Variants in WASHC4 observed in about 807,000 individuals in gnomAD.
WASHC4 encodes WASH complex subunit 4.
WASHC4 carries 86 observed loss-of-function variants against 166.6 expected under a neutral mutation model. The ratio of observed to expected loss-of-function variants is 0.52; its 90% CI spans 0.43 to 0.62. The LOEUF is 0.62. Among genes scored for constraint, WASHC4 ranks in the 20% least tolerant of loss-of-function variants. The pLI is 0.00. For synonymous variants in WASHC4, 446 were observed against 451.6 expected, an observed-to-expected ratio of 0.99 and a Z score of 0.16; for missense variants, 1,262 against 1,382.4, an observed-to-expected ratio of 0.91 and a Z score of 1.38.
At position 105,126,504 on chromosome 12, in the gene WASHC4, A is replaced by T. The variant is rs983375926; in HGVS notation, c.1038+142A>T. 4.6e-6 allele frequency: 3 copies of T among 657,018 alleles called. No homozygotes were observed. The Admixed American group carries it at 8.5e-5, about 19-fold the overall frequency. 40.7% of individuals were successfully genotyped at this position (657,018 alleles called of 1,614,324 possible). A position where few individuals can be genotyped will look rare whatever the true frequency, so the allele number is the denominator to read the frequency against. On this transcript the variant is annotated intron_variant, in intron 12 of 32. Transcript: ENST00000332180. Reference sequence around the variant, plus strand: ...TGTAAAATTCAAGTATTCCAGAAATAAGTAACTTAGTGAATGAAAATACGT... The same window carrying T: ...TGTAAAATTCAAGTATTCCAGAAATTAGTAACTTAGTGAATGAAAATACGT...
intron 1 of WASHC4, among the ~76,000 whole-genome samples, chr12:105,110,500 C>T (rs756918578): frequency 2.0e-5 from 3 of 152,146 alleles, no homozygotes; most frequent in Admixed American, 1.3e-4. Context: ...CTGTGAAGAA[C>T]AGCATAGTAT....
In WASHC4 at chr12:105,146,438, G is replaced by T. The variant is rs763000441; in HGVS notation, c.2335-14G>T. 2.1e-6 allele frequency: 3 copies of T among 1,432,398 alleles called. No individual in the cohort carries two copies. Among genetic ancestry groups the T allele is most frequent in the Non-Finnish European group, 3.0e-6 (3 of 1,015,186 alleles). The allele number at this position is 1,432,398 out of a possible 1,614,324, so 88.7% of individuals were successfully genotyped here. On this transcript the variant is annotated splice_polypyrimidine_tract_variant and intron_variant, in intron 22 of 32. Coordinates refer to ENST00000332180, the MANE Select transcript of WASHC4 (RefSeq NM_015275.3). ...ATGAATTATAATAAAACTTGTATGTGTATTATGTTGTAGGGCCTTGATGTT... is the reference window on the plus strand; with the variant it reads ...ATGAATTATAATAAAACTTGTATGTTTATTATGTTGTAGGGCCTTGATGTT...
At chr12:105,123,305 T>C (rs1311674611) in intron 10 of WASHC4, among the ~76,000 whole-genome samples, 4 of 152,058 alleles carry the variant, frequency 2.6e-5, no homozygotes, top group African/African-American at 4.8e-5. Flanking sequence ...CGAGGGAGAC[T>C]CCATCTTTTA....
intron 29 of WASHC4, among the ~76,000 whole-genome samples, chr12:105,160,490 G>A (rs1884429738): frequency 1.3e-5 from 2 of 152,034 alleles, no homozygotes; most frequent in African/African-American, 4.8e-5. Flanking sequence ...GGGACTACAG[G>A]TGTGCACCAC....
rs532200639 is a variant in WASHC4, at chr12:105,123,094, A to T, written c.786+856A>T. Among the ~76,000 whole-genome samples the T allele has an allele frequency of 1.4e-4, 21 of 152,332 alleles. No individual in the cohort carries two copies. The South Asian group carries it at 2.9e-3, about 21-fold the overall frequency. Reference sequence around the variant, plus strand: ...CTTTGGGAGGCCAGGCACGCAGATCACGTGAGGTCAGGAGTTCAAGACCAG... The same window carrying T: ...CTTTGGGAGGCCAGGCACGCAGATCTCGTGAGGTCAGGAGTTCAAGACCAG... On this transcript the variant is annotated intron_variant, in intron 10 of 32. Transcript: ENST00000332180.
chr12:105,139,189 T>C (rs751283211), intron 15 of WASHC4, among the ~76,000 whole-genome samples: 10 of 152,030 alleles, frequency 6.6e-5, no homozygotes, highest in African/African-American at 9.7e-5. Context: ...CATGTTGGGA[T>C]GAGTAGCACA....
At position 105,140,892 on chromosome 12, in the gene WASHC4, T is replaced by A; in HGVS notation, c.1561-7T>A. ...GAAACAAATAGTTTTCCTGTTTTAT[T>A]TTTAAGAAAAGAGTGATTTCTGACA... On this transcript the variant is annotated splice_polypyrimidine_tract_variant and splice_region_variant and intron_variant, in intron 16 of 32. Transcript: ENST00000332180. 3 of 1,613,318 alleles carry A rather than the reference T, an allele frequency of 1.9e-6. No individual in the cohort carries two copies. The highest frequency in any genetic ancestry group is 2.5e-6 in the Non-Finnish European group (3 of 1,179,814).
At chr12:105,148,626 A>G (rs1883500092) in intron 24 of WASHC4, 1 of 985,368 alleles carries the variant, frequency 1.0e-6, no homozygotes, top group Non-Finnish European at 1.2e-6. Flanking sequence ...GCAAAGAAAC[A>G]GAAAAAACAA....
chr12:105,142,460 A>G lies in WASHC4; in HGVS notation c.1795A>G (p.Thr599Ala). ...TACTACTTTACATTGTAGAGTCCAA[A>G]CACAATGTGACTGTTGTTTTTTATA... is the stretch of plus-strand genomic sequence containing the variant. ...LISELRERVQ[T>A]QCDCCFLYWH... Residue 599 changes from threonine (T) to alanine (A), a missense_variant, in exon 19 of 33, where the codon ACA (threonine) becomes GCA (alanine). Transcript: ENST00000332180. 3 of 1,594,944 alleles carry G rather than the reference A, an allele frequency of 1.9e-6. No homozygotes were observed. The highest frequency in any genetic ancestry group is 2.6e-6 in the Non-Finnish European group (3 of 1,163,362).
chr12:105,124,252 T>A (rs1372905253), intron 10 of WASHC4, among the ~76,000 whole-genome samples: 4 of 151,442 alleles, frequency 2.6e-5, no homozygotes, highest in Non-Finnish European at 5.9e-5. Flanking sequence ...CCCGAGTAGC[T>A]GGGATTAAAG....
At chr12:105,149,030 AC>A in intron 24 of WASHC4, 1 of 977,838 alleles carries the variant, frequency 1.0e-6, no homozygotes, top group Non-Finnish European at 1.2e-6. Context: ...AATTTATTTA[AC>A]AATACTTGTT....
chr12:105,143,323 G>C, intron 20 of WASHC4, 80 bp downstream of exon 20: 1 of 783,148 alleles, frequency 1.3e-6, no homozygotes, highest in South Asian at 1.4e-5. Flanking sequence ...GATTGAAGCA[G>C]ACTCACTGAG....
Position 105,146,456 on chromosome 12 carries a change from T to G in WASHC4, c.2339T>G (p.Leu780Arg). The change falls in exon 23 of 33, where the codon CTT (leucine) becomes CGT (arginine). Residue 780 changes from leucine to arginine, a missense_variant. Leu to Arg is a moderately radical substitution (Grantham distance 102, BLOSUM62 -2). Coordinates refer to ENST00000332180, the MANE Select transcript of WASHC4 (RefSeq NM_015275.3). ...HLPSQTLEQG[L>R]DVLEIMRNIH... ...TGTATGTGTATTATGTTGTAGGGCC[T>G]TGATGTTTTAGAAATTATGAGAAAC... The G allele has an allele frequency of 6.4e-7, 1 of 1,567,958 alleles. No homozygotes were observed. Among genetic ancestry groups the G allele is most frequent in the Non-Finnish European group, 8.8e-7 (1 of 1,138,414 alleles).
Position 105,149,686 on chromosome 12 carries a change from C to A in WASHC4, c.2586C>A (p.Ile862=). 1 of 1,578,610 alleles carries A rather than the reference C, an allele frequency of 6.3e-7. No homozygotes were observed. The highest frequency in any genetic ancestry group is 2.3e-5 in the East Asian group (1 of 44,418). ...GCCAATTTATGTATGATGAACACATCAAATCCAGATTGATTAAAGATATTC... is the reference window on the plus strand; with the variant it reads ...GCCAATTTATGTATGATGAACACATAAAATCCAGATTGATTAAAGATATTC... The part of the protein sequence containing the change: ...IFSQFMYDEH[I]KSRLIKDIRF... Residue 862 remains isoleucine, a synonymous_variant, in exon 25 of 33, where the codon ATC becomes ATA. Coordinates refer to ENST00000332180, the MANE Select transcript of WASHC4 (RefSeq NM_015275.3).
rs1884853947 is a variant in WASHC4, at chr12:105,167,088, T to C, written c.*157T>C. 1 of 629,698 alleles carries C rather than the reference T, an allele frequency of 1.6e-6. No individual in the cohort carries two copies. The highest frequency in any genetic ancestry group is 2.9e-6 in the Non-Finnish European group (1 of 349,002). The allele number at this position is 629,698 out of a possible 1,614,324, so 39.0% of individuals were successfully genotyped here. A position where few individuals can be genotyped will look rare whatever the true frequency, so the allele number is the denominator to read the frequency against. On this transcript the variant is annotated 3_prime_UTR_variant, in exon 33 of 33. Transcript: ENST00000332180. ...AGGCAGTGCTTTAAAGTGAAGTTCA[T>C]TCTGTTTCCAAAGGCTCTACTTTCA...
At chr12:105,113,492 T>C (rs936332378) in intron 2 of WASHC4, among the ~76,000 whole-genome samples, 1 of 152,082 alleles carries the variant, frequency 6.6e-6, no homozygotes, top group African/African-American at 2.4e-5. Context: ...GTTTAAGTTC[T>C]ATTATTGGGC....
rs1884184702 is a variant in WASHC4 at position 105,156,720 on chromosome 12, T to C, written c.2759-6T>C. The C allele has an allele frequency of 2.5e-6, 4 of 1,605,990 alleles. No individual in the cohort carries two copies. In the East Asian group the frequency reaches 6.7e-5, roughly 27 times the overall value. On this transcript the variant is annotated splice_polypyrimidine_tract_variant and splice_region_variant and intron_variant, in intron 26 of 32. Coordinates refer to ENST00000332180, the MANE Select transcript of WASHC4 (RefSeq NM_015275.3). ...AAATATCTGATTTTTTTGTGTGGTT[T>C]TTAAGGTAATGCTATGGGCTATGTA...
intron 31 of WASHC4, 50 bp downstream of exon 31, chr12:105,164,357 C>T: frequency 6.7e-7 from 1 of 1,483,264 alleles, no homozygotes; most frequent in Non-Finnish European, 9.4e-7. Context: ...CATTTGATAT[C>T]CATGACTTCT....
intron 24 of WASHC4, chr12:105,148,161 T>C: frequency 1.0e-6 from 1 of 985,246 alleles, no homozygotes; most frequent in Non-Finnish European, 1.2e-6. Flanking sequence ...GGAAAAGCAT[T>C]GAAGATTTTG....
Sources: allele counts gnomAD v4.1 joint callset (sites outside exome capture counted in the v4.1 genomes callset), GRCh38; gene constraint gnomAD v4.1.1; transcripts MANE v1.5; gene names NCBI Gene and HGNC (gene_info 2026-07-23, HGNC 2026-07-21).